Variants in PAPPA2 observed in about 807,000 individuals in gnomAD.
PAPPA2 encodes pappalysin-2.
Under a neutral mutation model 176.4 loss-of-function variants are expected in PAPPA2, and 86 were observed. The observed-to-expected ratio is 0.49, with a 90% CI of 0.41 to 0.58. The LOEUF (loss-of-function observed/expected upper bound fraction) is 0.58. Ranked by LOEUF, PAPPA2 falls within the 20% of genes least tolerant of loss-of-function variation. PAPPA2 has a pLI of 0.00. For missense variants in PAPPA2, 2,073 were observed against 2,256.9 expected (o/e 0.92, Z 1.65); for synonymous variants, 809 against 852.2 (o/e 0.95, Z 0.88).
intron 12 of PAPPA2, among the ~76,000 whole-genome samples, chr1:176,713,794 A>G (rs1476906655): frequency 6.6e-6 from 1 of 152,256 alleles, no homozygotes; most frequent in African/African-American, 2.4e-5. Flanking sequence ...ATAGATGCCT[A>G]AACAAAATGT....
intron 3 of PAPPA2, among the ~76,000 whole-genome samples, chr1:176,634,267 A>AATG (rs1173048146): frequency 1.3e-5 from 2 of 152,220 alleles, no homozygotes; most frequent in African/African-American, 4.8e-5. Flanking sequence ...GCAGCCATAA[A>AATG]ATGATGAGTT....
chr1:176,760,843 A>G (rs765205982), intron 14 of PAPPA2, among the ~76,000 whole-genome samples: 2 of 152,086 alleles, frequency 1.3e-5, no homozygotes, highest in Non-Finnish European at 2.9e-5. Flanking sequence ...TGTTTTTGAG[A>G]CAGAGTCTTG....
At chr1:176,764,905 G>A (rs1663894649) in intron 14 of PAPPA2, among the ~76,000 whole-genome samples, 2 of 152,180 alleles carry the variant, frequency 1.3e-5, no homozygotes, top group Non-Finnish European at 2.9e-5. Context: ...CTGCTCCAGT[G>A]TATTCTTGCT....
intron 2 of PAPPA2, among the ~76,000 whole-genome samples, chr1:176,559,799 C>A (rs1481390002): frequency 1.3e-5 from 2 of 152,218 alleles, no homozygotes; most frequent in Non-Finnish European, 2.9e-5. Context: ...TTGGCCCCTA[C>A]ACTTTTTTCA....
intron 20 of PAPPA2, among the ~76,000 whole-genome samples, chr1:176,798,982 T>C (rs1665559166): frequency 6.6e-6 from 1 of 152,242 alleles, no homozygotes; most frequent in Non-Finnish European, 1.5e-5. Context: ...TTTATAGACC[T>C]GCATATTAGC....
chr1:176,575,264 A>T (rs1270710710), intron 2 of PAPPA2, among the ~76,000 whole-genome samples: 1 of 152,204 alleles, frequency 6.6e-6, no homozygotes, highest in African/African-American at 2.4e-5. Flanking sequence ...TCCTTTAATT[A>T]ACCCCAAGCC....
At chr1:176,747,925 T>C (rs1235175604) in intron 14 of PAPPA2, among the ~76,000 whole-genome samples, 1 of 152,232 alleles carries the variant, frequency 6.6e-6, no homozygotes, top group African/African-American at 2.4e-5. Context: ...CCACCCTTAC[T>C]TCCTTGCCAC....
At chr1:176,575,334 CATT>C (rs1378393114) in intron 2 of PAPPA2, among the ~76,000 whole-genome samples, 1 of 152,086 alleles carries the variant, frequency 6.6e-6, no homozygotes, top group East Asian at 1.9e-4. Flanking sequence ...CTCACATTGT[CATT>C]ATTATTATAA....
intron 3 of PAPPA2, among the ~76,000 whole-genome samples, chr1:176,623,669 T>C (rs201928697): frequency 3.4e-5 from 2 of 58,760 alleles, no homozygotes; most frequent in Non-Finnish European, 7.1e-5. Context: ...CTTTCTTTCT[T>C]TTTCTTTCTT....
At chr1:176,692,371 A>T (rs1660160064) in intron 6 of PAPPA2, 53 bp downstream of exon 6, 2 of 1,491,790 alleles carry the variant, frequency 1.3e-6, no homozygotes, top group African/African-American at 1.4e-5. Flanking sequence ...GTGGCATTTC[A>T]TATGAATGAG....
At chr1:176,734,806 G>A (rs1227879415) in intron 12 of PAPPA2, among the ~76,000 whole-genome samples, 1 of 152,166 alleles carries the variant, frequency 6.6e-6, no homozygotes, top group African/African-American at 2.4e-5. Flanking sequence ...AATAGTGCAA[G>A]CATTCTTAAT....
chr1:176,585,334 T>C lies in PAPPA2; in HGVS notation c.920-9190T>C, dbSNP rs549444482. ...ATATTTCATTCCATTCTTTCTGGCC[T>C]ATACATTTTTTGCTGAGACATCTGC... On this transcript the variant is annotated intron_variant, in intron 2 of 22. Coordinates refer to ENST00000367662, the MANE Select transcript of PAPPA2 (RefSeq NM_020318.3). Among the ~76,000 whole-genome samples the C allele has an allele frequency of 2.5e-4, 38 of 152,306 alleles. No individual in the cohort carries two copies. In the South Asian group the frequency reaches 7.7e-3, roughly 31 times the overall value.
chr1:176,700,056 T>C (rs969086859), intron 8 of PAPPA2, among the ~76,000 whole-genome samples: 1 of 152,198 alleles, frequency 6.6e-6, no homozygotes, highest in Non-Finnish European at 1.5e-5. Context: ...ATTCATGATA[T>C]GAGTTTCATT....
At chr1:176,532,962 G>T (rs1649893897) in intron 1 of PAPPA2, among the ~76,000 whole-genome samples, 1 of 152,188 alleles carries the variant, frequency 6.6e-6, no homozygotes, top group Non-Finnish European at 1.5e-5. Flanking sequence ...AATCTTGTGG[G>T]TGGTTCACAG....
chr1:176,674,169 G>A (rs1659160792), intron 4 of PAPPA2, among the ~76,000 whole-genome samples: 1 of 152,110 alleles, frequency 6.6e-6, no homozygotes. Context: ...TTGAGGCCTT[G>A]TCAAGGAGGA....
intron 14 of PAPPA2, among the ~76,000 whole-genome samples, chr1:176,750,758 A>T (rs1279681799): frequency 6.6e-6 from 1 of 152,228 alleles, no homozygotes; most frequent in South Asian, 2.1e-4. Flanking sequence ...AGGAAGAGAA[A>T]ATACATTTAC....
intron 3 of PAPPA2, among the ~76,000 whole-genome samples, chr1:176,603,352 G>A (rs923726495): frequency 6.6e-6 from 1 of 152,108 alleles, no homozygotes; most frequent in African/African-American, 2.4e-5. Context: ...TTCAGTGACT[G>A]GATATAAATG....
intron 14 of PAPPA2, among the ~76,000 whole-genome samples, chr1:176,761,102 T>C (rs901934025): frequency 6.6e-6 from 1 of 152,250 alleles, no homozygotes; most frequent in Middle Eastern, 3.4e-3. Flanking sequence ...ATTACAGATA[T>C]GAGCCACCGC....
At chr1:176,670,544 GA>G (rs1658933626) in intron 3 of PAPPA2, among the ~76,000 whole-genome samples, 1 of 152,114 alleles carries the variant, frequency 6.6e-6, no homozygotes, top group Admixed American at 6.5e-5. Context: ...TACTGGAAAA[GA>G]GATTGAACTG....
Sources: gnomAD v4.1 joint callset for allele counts (sites outside exome capture counted in the v4.1 genomes callset) on GRCh38, gnomAD v4.1.1 for gene constraint, MANE v1.5 for transcripts, NCBI Gene and HGNC (gene_info 2026-07-23, HGNC 2026-07-21) for gene names.